IL5: variants seen among roughly 807,000 people sequenced by gnomAD.
IL5 encodes the protein interleukin 5.
In IL5, 12 loss-of-function variants were observed where a neutral mutation model predicts 16.3. The observed-to-expected ratio is 0.74, with a 90% CI of 0.47 to 1.20. IL5 has a LOEUF of 1.20. Ranked by LOEUF, IL5 falls within the 50% of genes most tolerant of loss-of-function variation. The pLI is 0.00. For synonymous variants in IL5, 54 were observed against 56.6 expected (o/e 0.95, Z 0.21); for missense variants, 159 against 153.9 (o/e 1.03, Z -0.17).
At chr5:132,552,658 T>C (rs760526024) in intron 1 of IL5, among the ~76,000 whole-genome samples, 1 of 152,220 alleles carries the variant, frequency 6.6e-6, no homozygotes, top group African/African-American at 2.4e-5. Flanking sequence ...CTATCACTAA[T>C]ACTTCCATAT....
At chr5:132,549,631 A>G (rs906381186) in intron 1 of IL5, among the ~76,000 whole-genome samples, 18 of 152,354 alleles carry the variant, frequency 1.2e-4, no homozygotes, top group African/African-American at 4.3e-4. Flanking sequence ...TTGGTGGGTA[A>G]CATCCATCCT....
In IL5 at chr5:132,543,228, T is replaced by C. The variant is rs1426403975; in HGVS notation, c.145-102A>G. 5.7e-6 allele frequency: 8 copies of C among 1,402,226 alleles called. No homozygotes were observed. In the African/African-American group the frequency reaches 5.7e-5, roughly 10 times the overall value. 86.9% of individuals were successfully genotyped at this position (1,402,226 alleles called of 1,614,324 possible). A position where few individuals can be genotyped will look rare whatever the true frequency, so the allele number is the denominator to read the frequency against. ...TGTAGTTATCACCCATGTACTAATG[T>C]GCTCAGAATCTTATTATTTATAACA... is the stretch of plus-strand genomic sequence containing the variant. On this transcript the variant is annotated intron_variant, in intron 1 of 3. Transcript: ENST00000231454.
intron 1 of IL5, among the ~76,000 whole-genome samples, chr5:132,555,812 GC>G (rs1490176583): frequency 6.6e-6 from 1 of 152,174 alleles, no homozygotes; most frequent in Admixed American, 6.5e-5. Flanking sequence ...ACCGCGCCTG[GC>G]CAAGACAGTA....
chr5:132,550,348 A>C (rs192330233), intron 1 of IL5, among the ~76,000 whole-genome samples: 6 of 148,192 alleles, frequency 4.0e-5, no homozygotes, highest in Admixed American at 1.3e-4. Flanking sequence ...TTTTTGAGAC[A>C]GAGTCTCACT....
At chr5:132,554,878 T>TA (rs1186009306) in intron 1 of IL5, among the ~76,000 whole-genome samples, 16 of 152,312 alleles carry the variant, frequency 1.1e-4, no homozygotes, top group African/African-American at 3.9e-4. Flanking sequence ...TGAATTCTGA[T>TA]ATATGCTACA....
At position 132,541,653 on chromosome 5, in the gene IL5, C is replaced by T; in HGVS notation, c.*158G>A. ...TGAAATATATTTTAAGAATTTTATG[C>T]TTTCTGGCAAAGTGTCAGTATGCCT... On this transcript the variant is annotated 3_prime_UTR_variant, in exon 4 of 4. Coordinates refer to ENST00000231454, the MANE Select transcript of IL5 (RefSeq NM_000879.3). 3 of 504,202 alleles carry T rather than the reference C, an allele frequency of 5.9e-6. No homozygotes were observed. The highest frequency in any genetic ancestry group is 6.4e-5 in the East Asian group (2 of 31,270). The allele number at this position is 504,202 out of a possible 1,614,324, so 31.2% of individuals were successfully genotyped here.
chr5:132,546,395 A>C (rs1749788115), upstream of IL5, among the ~76,000 whole-genome samples: 1 of 152,106 alleles, frequency 6.6e-6, no homozygotes, highest in African/African-American at 2.4e-5. Context: ...CCTGATATAC[A>C]GTACTTGGCT....
At position 132,541,614 on chromosome 5, in the gene IL5, A is replaced by G. The variant is rs1159385755; in HGVS notation, c.*197T>C. The G allele has an allele frequency of 2.1e-6, 1 of 471,084 alleles. No homozygotes were observed. Among genetic ancestry groups the G allele is most frequent in the Non-Finnish European group, 3.7e-6 (1 of 268,630 alleles). 29.2% of individuals were successfully genotyped at this position (471,084 alleles called of 1,614,324 possible). A position where few individuals can be genotyped will look rare whatever the true frequency, so the allele number is the denominator to read the frequency against. The stretch of plus-strand genomic sequence containing the variant: ...ATTTTGCCTGGAGGAAAATACTTCA[A>G]TGATTCTGATATCTGAAATATATTT... On this transcript the variant is annotated 3_prime_UTR_variant, in exon 4 of 4. Coordinates refer to ENST00000231454, the MANE Select transcript of IL5 (RefSeq NM_000879.3).
At chr5:132,555,185 G>C (rs1180817732) in intron 1 of IL5, among the ~76,000 whole-genome samples, 1 of 152,184 alleles carries the variant, frequency 6.6e-6, no homozygotes, top group Non-Finnish European at 1.5e-5. Flanking sequence ...GTGCCACCAG[G>C]TTCCTAACAG....
At chr5:132,544,362 C>T (rs148254804), upstream of IL5, among the ~76,000 whole-genome samples, 152 of 152,322 alleles carry the variant, frequency 1.0e-3, no homozygotes, top group African/African-American at 3.6e-3. Context: ...GTAGTATATA[C>T]TGATTGGCTC....
chr5:132,543,259 C>G, intron 1 of IL5, 76 bp downstream of exon 1: 2 of 1,435,500 alleles, frequency 1.4e-6, no homozygotes, highest in Non-Finnish European at 1.9e-6. Context: ...TAACAGATCT[C>G]TATATATAGT....
At chr5:132,545,193 G>A (rs1749764299), upstream of IL5, among the ~76,000 whole-genome samples, 1 of 152,168 alleles carries the variant, frequency 6.6e-6, no homozygotes, top group Non-Finnish European at 1.5e-5. Flanking sequence ...CTGAGTTCTG[G>A]CAGGAGCTTT....
At position 132,542,120 on chromosome 5, in the gene IL5, G is replaced by T; in HGVS notation, c.201C>A (p.Ile67=). Reference sequence around the variant, plus strand: ...TCTCCAGTGTGCCTATTCCCTGAAAGATTTCTTCAGTGCACAGTTGGTGCT... The same window carrying T: ...TCTCCAGTGTGCCTATTCCCTGAAATATTTCTTCAGTGCACAGTTGGTGCT... ...HKNHQLCTEE[I]FQGIGTLESQ... The change falls in exon 3 of 4, where the codon ATC becomes ATA. Residue 67 remains isoleucine, a synonymous_variant. Transcript: ENST00000231454. The T allele has an allele frequency of 1.2e-6, 2 of 1,612,760 alleles. No individual in the cohort carries two copies. The highest frequency in any genetic ancestry group is 4.5e-5 in the East Asian group (2 of 44,856).
chr5:132,545,969 C>A (rs144397092), upstream of IL5, among the ~76,000 whole-genome samples: 402 of 151,992 alleles, frequency 2.6e-3, 4 homozygotes, highest in African/African-American at 6.8e-3. Flanking sequence ...ACAACAACAA[C>A]AAAAAAGGAA....
At chr5:132,547,540 A>C (rs1749813125), upstream of IL5, among the ~76,000 whole-genome samples, 1 of 152,220 alleles carries the variant, frequency 6.6e-6, no homozygotes, top group South Asian at 2.1e-4. Context: ...ATGACTACAT[A>C]CAATGTGGTA....
chr5:132,553,848 A>G (rs1749924284), intron 1 of IL5, among the ~76,000 whole-genome samples: 1 of 149,126 alleles, frequency 6.7e-6, no homozygotes, highest in Admixed American at 6.8e-5. Context: ...CTGAGGCAGT[A>G]GAATGGCGTG....
chr5:132,552,624 T>G (rs1749902395), intron 1 of IL5, among the ~76,000 whole-genome samples: 1 of 152,222 alleles, frequency 6.6e-6, no homozygotes, highest in Admixed American at 6.5e-5. Context: ...CTGAAGTATT[T>G]TAAATTACAG....
chr5:132,552,259 C>T (rs1749895489), intron 1 of IL5, among the ~76,000 whole-genome samples: 1 of 152,060 alleles, frequency 6.6e-6, no homozygotes, highest in African/African-American at 2.4e-5. Flanking sequence ...CAGAGCGAGA[C>T]TCTGTCTCAA....
upstream of IL5, among the ~76,000 whole-genome samples, chr5:132,546,075 CTG>C (rs145797412): frequency 0.02 from 2,994 of 152,250 alleles, 77 homozygotes; most frequent in African/African-American, 0.061. Context: ...TACAGCAAAA[CTG>C]TGGGTTCTTA....
Sources: gnomAD v4.1 joint callset for allele counts (sites outside exome capture counted in the v4.1 genomes callset) on GRCh38, gnomAD v4.1.1 for gene constraint, MANE v1.5 for transcripts, NCBI Gene and HGNC (gene_info 2026-07-23, HGNC 2026-07-21) for gene names.